Variants in ATP9B observed in about 807,000 individuals in gnomAD.
ATP9B encodes the protein probable phospholipid-transporting ATPase IIB.
ATP9B carries 110 observed loss-of-function variants against 146.1 expected under a neutral mutation model. That is an observed-to-expected ratio of 0.75 (90% CI 0.65 to 0.88). The LOEUF (loss-of-function observed/expected upper bound fraction) is 0.88. ATP9B is among the 40% of genes least tolerant of loss of function. ATP9B has a pLI of 0.00. For synonymous variants in ATP9B, 604 were observed against 569.7 expected (o/e 1.06, Z -0.86); for missense variants, 1,499 against 1,496.4 (o/e 1.00, Z -0.03).
intron 25 of ATP9B, 95 bp downstream of exon 25, chr18:79,348,291 T>A: frequency 2.6e-6 from 3 of 1,154,400 alleles, no homozygotes; most frequent in Non-Finnish European, 3.8e-6. Context: ...TATAGAAGAT[T>A]CTTGATACAG....
chr18:79,232,556 A>C (rs1244499095), intron 11 of ATP9B, among the ~76,000 whole-genome samples: 1 of 152,228 alleles, frequency 6.6e-6, no homozygotes, highest in Non-Finnish European at 1.5e-5. Context: ...ATTATCTCAT[A>C]CATCATATCC....
intron 26 of ATP9B, among the ~76,000 whole-genome samples, chr18:79,367,945 C>CGTGGGGTCCTGT (rs1014025470): frequency 2.6e-5 from 4 of 152,242 alleles, no homozygotes; most frequent in Non-Finnish European, 4.4e-5. Context: ...GCCAGAGCAG[C>CGTGGGGTCCTGT]GTGGGGTCCT....
At chr18:79,305,245 A>T (rs1458822747) in intron 14 of ATP9B, among the ~76,000 whole-genome samples, 1 of 152,254 alleles carries the variant, frequency 6.6e-6, no homozygotes, top group Admixed American at 6.5e-5. Context: ...TACTCTTGAC[A>T]ACTCCAGAGT....
At chr18:79,136,453 G>A (rs1232696888) in intron 5 of ATP9B, among the ~76,000 whole-genome samples, 1 of 151,922 alleles carries the variant, frequency 6.6e-6, no homozygotes, top group Non-Finnish European at 1.5e-5. Flanking sequence ...ATTTTTTTAT[G>A]CTAGGGATTC....
chr18:79,241,877 C>T (rs988974269), intron 11 of ATP9B, among the ~76,000 whole-genome samples: 1 of 152,144 alleles, frequency 6.6e-6, no homozygotes, highest in African/African-American at 2.4e-5. Flanking sequence ...TCCCAGTGAC[C>T]CTTCGCTGCC....
chr18:79,083,004 C>G (rs895599183), intron 1 of ATP9B, among the ~76,000 whole-genome samples: 4 of 152,204 alleles, frequency 2.6e-5, no homozygotes, highest in African/African-American at 9.7e-5. Flanking sequence ...GCTGTGCCCA[C>G]AACCTACCCT....
chr18:79,238,063 T>TA (rs76323455), intron 11 of ATP9B, among the ~76,000 whole-genome samples: 1 of 151,854 alleles, frequency 6.6e-6, no homozygotes, highest in South Asian at 2.1e-4. Flanking sequence ...TATTTAAAAA[T>TA]AAAAAAAAAA....
At chr18:79,179,929 T>C (rs58748597) in intron 8 of ATP9B, among the ~76,000 whole-genome samples, 1 of 152,230 alleles carries the variant, frequency 6.6e-6, no homozygotes. Flanking sequence ...CTTTTGGCTC[T>C]GTTACCTGTT....
At chr18:79,120,944 G>A (rs182986423) in intron 4 of ATP9B, among the ~76,000 whole-genome samples, 66 of 152,318 alleles carry the variant, frequency 4.3e-4, no homozygotes, top group African/African-American at 1.4e-3. Flanking sequence ...AAGGAAAAAC[G>A]AATGAAATTG....
chr18:79,085,380 A>G (rs2073724897), intron 1 of ATP9B: 1 of 152,214 alleles, frequency 6.6e-6, no homozygotes, highest in African/African-American at 2.4e-5. Flanking sequence ...AAGGAAGATT[A>G]AGAAATTCAA....
chr18:79,151,549 G>T (rs563408063), intron 6 of ATP9B, among the ~76,000 whole-genome samples: 19 of 152,306 alleles, frequency 1.2e-4, no homozygotes, highest in Admixed American at 3.3e-4. Context: ...TGTTGCAGGT[G>T]TGCCTAGGAG....
chr18:79,224,929 C>A (rs550321379), intron 11 of ATP9B, among the ~76,000 whole-genome samples: 1 of 151,622 alleles, frequency 6.6e-6, no homozygotes, highest in Non-Finnish European at 1.5e-5. Flanking sequence ...GAGAAAAGGG[C>A]GACCTGTCTC....
chr18:79,329,908 T>C, intron 16 of ATP9B, 104 bp from the exon 17 acceptor site: 1 of 1,013,816 alleles, frequency 9.9e-7, no homozygotes, highest in South Asian at 1.4e-5. Context: ...AGGAACACAT[T>C]CATAGGAATT....
At chr18:79,355,684 A>G (rs983012960) in intron 25 of ATP9B, among the ~76,000 whole-genome samples, 31 of 152,148 alleles carry the variant, frequency 2.0e-4, no homozygotes, top group South Asian at 2.1e-4. Flanking sequence ...TCCAGGGGAG[A>G]AGAGACAGGG....
chr18:79,190,916 A>T (rs2095360462), intron 8 of ATP9B, among the ~76,000 whole-genome samples: 2 of 152,056 alleles, frequency 1.3e-5, no homozygotes, highest in Admixed American at 1.3e-4. Flanking sequence ...ATATTTACTT[A>T]GATATTTACT....
At chr18:79,155,751 C>CTT (rs2094766654) in intron 7 of ATP9B, among the ~76,000 whole-genome samples, 2 of 125,496 alleles carry the variant, frequency 1.6e-5, no homozygotes, top group Non-Finnish European at 1.7e-5. Context: ...CATGTTTTCT[C>CTT]TCTTTTTTTT....
intron 4 of ATP9B, among the ~76,000 whole-genome samples, chr18:79,114,810 C>G (rs1462691367): frequency 6.6e-6 from 1 of 152,124 alleles, no homozygotes; most frequent in Admixed American, 6.5e-5. Context: ...GCATAGTGTG[C>G]ATGCATGCCT....
chr18:79,086,042 G>A (rs2073793180), intron 1 of ATP9B: 2 of 150,102 alleles, frequency 1.3e-5, no homozygotes, highest in Admixed American at 1.3e-4. Context: ...TTTTTTTTAA[G>A]GCGTAGTACT....
At chr18:79,129,660 G>A (rs865802605) in intron 5 of ATP9B, among the ~76,000 whole-genome samples, 1 of 151,998 alleles carries the variant, frequency 6.6e-6, no homozygotes, top group African/African-American at 2.4e-5. Flanking sequence ...CACAGCTACA[G>A]CATGTAACAA....
Sources: allele counts gnomAD v4.1 joint callset (sites outside exome capture counted in the v4.1 genomes callset), GRCh38; gene constraint gnomAD v4.1.1; transcripts MANE v1.5; gene names NCBI Gene and HGNC (gene_info 2026-07-23, HGNC 2026-07-21).